CREB5: variants seen among roughly 807,000 people sequenced by gnomAD.
CREB5 encodes the protein cAMP responsive element binding protein 5.
CREB5 carries 19 observed loss-of-function variants against 57.1 expected under a neutral mutation model. The observed-to-expected ratio is 0.33, with a 90% CI of 0.23 to 0.49. The LOEUF (loss-of-function observed/expected upper bound fraction) is 0.49, where lower values mean the gene tolerates loss of function less well. Ranked by LOEUF, CREB5 falls within the 20% of genes least tolerant of loss-of-function variation. The pLI, the probability that CREB5 is intolerant of heterozygous loss-of-function variation, is 0.99. For missense variants in CREB5, 579 were observed against 671.6 expected, an observed-to-expected ratio of 0.86 and a Z score of 1.52; for synonymous variants, 238 against 238.3, an observed-to-expected ratio of 1.00 and a Z score of 0.01.
At chr7:28,498,581 C>T (rs62449869) in intron 3 of CREB5, among the ~76,000 whole-genome samples, 1 of 152,112 alleles carries the variant, frequency 6.6e-6, no homozygotes, top group Non-Finnish European at 1.5e-5. Context: ...TAGAGTCACT[C>T]CCAAAAAGTG....
intron 4 of CREB5, among the ~76,000 whole-genome samples, chr7:28,540,727 G>A (rs1215368202): frequency 2.0e-5 from 3 of 152,180 alleles, no homozygotes; most frequent in African/African-American, 7.2e-5. Flanking sequence ...GTTGGATTAG[G>A]TGTTGATGGA....
intron 1 of CREB5, among the ~76,000 whole-genome samples, chr7:28,469,260 G>A (rs1029707099): frequency 6.6e-6 from 1 of 152,142 alleles, no homozygotes; most frequent in Non-Finnish European, 1.5e-5. Context: ...TAAGAAAGTG[G>A]ACCACCTGTG....
chr7:28,463,620 C>T (rs1466974673), intron 1 of CREB5, among the ~76,000 whole-genome samples: 1 of 152,060 alleles, frequency 6.6e-6, no homozygotes, highest in Non-Finnish European at 1.5e-5. Context: ...TTTCAGTGTA[C>T]CAGTCATGTG....
intron 1 of CREB5, among the ~76,000 whole-genome samples, chr7:28,476,164 A>G (rs1163675300): frequency 6.6e-6 from 1 of 152,214 alleles, no homozygotes; most frequent in African/African-American, 2.4e-5. Flanking sequence ...TCTCGGGATC[A>G]TATAGAAGAC....
At chr7:28,389,391 AACAC>A (rs370119883) in intron 1 of CREB5, among the ~76,000 whole-genome samples, 1 of 151,994 alleles carries the variant, frequency 6.6e-6, no homozygotes, top group Admixed American at 6.6e-5. Context: ...TACGTGCACA[AACAC>A]ACACACACGC....
At chr7:28,612,586 G>GTGTGTGTA (rs1263507604) in intron 5 of CREB5, among the ~76,000 whole-genome samples, 17 of 141,590 alleles carry the variant, frequency 1.2e-4, no homozygotes, top group South Asian at 2.3e-4. Flanking sequence ...GTGTGTGTGT[G>GTGTGTGTA]TGTAAGGATA....
At chr7:28,749,151 G>A (rs1286585204) in intron 7 of CREB5, 1 of 152,200 alleles carries the variant, frequency 6.6e-6, no homozygotes, top group Non-Finnish European at 1.5e-5. Flanking sequence ...GAAAGCAGAG[G>A]CCTCAACCCA....
intron 1 of CREB5, among the ~76,000 whole-genome samples, chr7:28,322,817 T>C (rs1296044894): frequency 6.6e-6 from 1 of 152,222 alleles, no homozygotes; most frequent in African/African-American, 2.4e-5. Context: ...TTCCATGGTG[T>C]ATATGTGCCA....
chr7:28,410,848 TC>T, upstream of CREB5: 1 of 330,642 alleles, frequency 3.0e-6, no homozygotes, highest in East Asian at 7.7e-5. Flanking sequence ...CTGCTTTGCA[TC>T]CCCCTACCCT....
intron 3 of CREB5, among the ~76,000 whole-genome samples, chr7:28,506,788 T>C (rs978407363): frequency 2.0e-5 from 3 of 152,246 alleles, no homozygotes; most frequent in African/African-American, 7.2e-5. Flanking sequence ...TTCTATTTAA[T>C]GGAATCTTGT....
At chr7:28,703,597 G>C (rs1035347059) in intron 5 of CREB5, among the ~76,000 whole-genome samples, 2 of 152,114 alleles carry the variant, frequency 1.3e-5, no homozygotes, top group Non-Finnish European at 2.9e-5. Context: ...GATTCTGAAG[G>C]CCTGAGAACC....
chr7:28,752,703 T>C (rs948926901), intron 7 of CREB5, among the ~76,000 whole-genome samples: 11 of 152,194 alleles, frequency 7.2e-5, no homozygotes, highest in African/African-American at 2.4e-4. Flanking sequence ...TGTTAACAGT[T>C]AACTTTTTGA....
At chr7:28,777,135 C>T (rs928162109) in intron 7 of CREB5, among the ~76,000 whole-genome samples, 1 of 152,120 alleles carries the variant, frequency 6.6e-6, no homozygotes, top group East Asian at 1.9e-4. Flanking sequence ...TTTTTCAAAG[C>T]GACTGAACCA....
intron 4 of CREB5, among the ~76,000 whole-genome samples, chr7:28,563,083 A>G (rs946481327): frequency 6.6e-6 from 1 of 152,166 alleles, no homozygotes; most frequent in African/African-American, 2.4e-5. Context: ...TAGTAACCAT[A>G]TATCTACCTT....
chr7:28,798,125 T>G (rs1229150630), intron 7 of CREB5, among the ~76,000 whole-genome samples: 2 of 152,222 alleles, frequency 1.3e-5, no homozygotes, highest in Non-Finnish European at 2.9e-5. Flanking sequence ...CTTTCACATT[T>G]TTTTTCTGGA....
At chr7:28,373,171 G>C (rs1786748734) in intron 1 of CREB5, among the ~76,000 whole-genome samples, 1 of 152,172 alleles carries the variant, frequency 6.6e-6, no homozygotes, top group African/African-American at 2.4e-5. Flanking sequence ...AGTAAATTCA[G>C]ACTTGTGATG....
At chr7:28,588,172 A>G (rs768031600) in intron 5 of CREB5, among the ~76,000 whole-genome samples, 132 of 152,232 alleles carry the variant, frequency 8.7e-4, no homozygotes, top group Non-Finnish European at 1.4e-3. Context: ...GGATCACACA[A>G]TCTTTTGGAG....
At chr7:28,428,807 C>T (rs1583451316) in intron 1 of CREB5, among the ~76,000 whole-genome samples, 1 of 152,132 alleles carries the variant, frequency 6.6e-6, no homozygotes. Context: ...CCTCATCTCA[C>T]AGCACACAGC....
intron 1 of CREB5, among the ~76,000 whole-genome samples, chr7:28,315,957 T>A (rs1364338330): frequency 6.6e-6 from 1 of 152,002 alleles, no homozygotes; most frequent in East Asian, 1.9e-4. Context: ...CAGGTCCTGG[T>A]TTTTTTTACC....
Sources: allele counts gnomAD v4.1 joint callset (sites outside exome capture counted in the v4.1 genomes callset), GRCh38; gene constraint gnomAD v4.1.1; transcripts MANE v1.5; gene names NCBI Gene and HGNC (gene_info 2026-07-23, HGNC 2026-07-21).